Variants in GOLPH3 observed in about 807,000 individuals in gnomAD.
The protein encoded by GOLPH3 is golgi phosphoprotein 3.
Under a neutral mutation model 28.5 loss-of-function variants are expected in GOLPH3, and 14 were observed. The observed-to-expected ratio is 0.49, with a 90% CI of 0.32 to 0.77. GOLPH3 has a LOEUF of 0.77. Among genes scored for constraint, GOLPH3 ranks in the 30% least tolerant of loss-of-function variants. The pLI is 0.03. For missense variants in GOLPH3, 350 were observed against 393.7 expected (o/e 0.89, Z 0.94); for synonymous variants, 158 against 159.2 (o/e 0.99, Z 0.06).
chr5:32,138,889 G>T (rs1297034988), intron 2 of GOLPH3, among the ~76,000 whole-genome samples: 4 of 152,192 alleles, frequency 2.6e-5, no homozygotes, highest in Non-Finnish European at 5.9e-5. Context: ...GAGAGCACAA[G>T]AAAATAAAGA....
At chr5:32,136,867 G>C (rs1177583675) in intron 2 of GOLPH3, among the ~76,000 whole-genome samples, 1 of 152,156 alleles carries the variant, frequency 6.6e-6, no homozygotes, top group Non-Finnish European at 1.5e-5. Context: ...TATTATAAAG[G>C]TGGTATTTCA....
At chr5:32,170,787 A>T (rs1403227674) in intron 1 of GOLPH3, among the ~76,000 whole-genome samples, 1 of 152,134 alleles carries the variant, frequency 6.6e-6, no homozygotes, top group East Asian at 1.9e-4. Flanking sequence ...AAAAAATTTT[A>T]AAGATGTGAT....
intron 2 of GOLPH3, among the ~76,000 whole-genome samples, chr5:32,142,556 A>C (rs1746095329): frequency 1.4e-5 from 2 of 141,242 alleles, no homozygotes; most frequent in South Asian, 2.3e-4. Flanking sequence ...CTGGGAAGTG[A>C]GGAGCCACTC....
chr5:32,151,454 G>A (rs1465470868), intron 1 of GOLPH3, among the ~76,000 whole-genome samples: 9 of 152,130 alleles, frequency 5.9e-5, no homozygotes, highest in Admixed American at 1.3e-4. Context: ...AGGCTGCAAT[G>A]AGCTATAATT....
chr5:32,173,418 G>C (rs1324829392), intron 1 of GOLPH3, among the ~76,000 whole-genome samples: 1 of 152,032 alleles, frequency 6.6e-6, no homozygotes, highest in Admixed American at 6.6e-5. Context: ...AACCCAAAGA[G>C]TTCGTGGCGC....
intron 1 of GOLPH3, among the ~76,000 whole-genome samples, chr5:32,149,498 T>C (rs550698759): frequency 1.3e-5 from 2 of 152,344 alleles, no homozygotes; most frequent in Non-Finnish European, 2.9e-5. Context: ...TTATATGGCA[T>C]ATGAATCATA....
Position 32,143,854 on chromosome 5 carries a change from A to T in GOLPH3, c.252T>A (p.Cys84Ter). 6.3e-7 allele frequency: 1 copy of T among 1,580,886 alleles called. No individual in the cohort carries two copies. Among genetic ancestry groups the T allele is most frequent in the Non-Finnish European group, 8.6e-7 (1 of 1,166,490 alleles). ...REGYTSFWND[C>*]ISSGLRGCML... ...TACAGCCACGTAATCCAGATGATAT[A>T]CAGTCATTCCAAAATGATGTGTAAC... Residue 84 changes from cysteine to a stop codon, truncating the protein, a stop_gained, in exon 2 of 4, where the codon TGT becomes TGA. Coordinates refer to ENST00000265070, the MANE Select transcript of GOLPH3 (RefSeq NM_022130.4). LOFTEE classifies it high-confidence loss of function.
chr5:32,140,290 A>AC (rs1459294166), intron 2 of GOLPH3, among the ~76,000 whole-genome samples: 3 of 152,018 alleles, frequency 2.0e-5, no homozygotes, highest in Admixed American at 1.3e-4. Flanking sequence ...GATCACTTGA[A>AC]CCCAAGCGTT....
intron 1 of GOLPH3, among the ~76,000 whole-genome samples, chr5:32,163,471 T>C (rs1431088731): frequency 6.6e-6 from 1 of 152,098 alleles, no homozygotes; most frequent in Non-Finnish European, 1.5e-5. Flanking sequence ...TTGGCCAACA[T>C]GGTGAAACCC....
chr5:32,162,897 T>C (rs1050897489), intron 1 of GOLPH3, among the ~76,000 whole-genome samples: 1 of 152,034 alleles, frequency 6.6e-6, no homozygotes, highest in Non-Finnish European at 1.5e-5. Flanking sequence ...GCTAACACAG[T>C]GAAACCCCGT....
At chr5:32,137,253 C>A (rs1283707556) in intron 2 of GOLPH3, among the ~76,000 whole-genome samples, 1 of 152,010 alleles carries the variant, frequency 6.6e-6, no homozygotes. Context: ...TCCACTGCAC[C>A]TGGCCCTGAA....
intron 1 of GOLPH3, among the ~76,000 whole-genome samples, chr5:32,165,465 C>A (rs1003234023): frequency 2.0e-5 from 3 of 152,058 alleles, no homozygotes; most frequent in African/African-American, 7.2e-5. Context: ...TGCCTGTAAT[C>A]CCAGCTACTC....
chr5:32,155,896 G>T (rs1246276593), intron 1 of GOLPH3, among the ~76,000 whole-genome samples: 1 of 140,784 alleles, frequency 7.1e-6, no homozygotes, highest in African/African-American at 2.6e-5. Context: ...GGCGGAGGTT[G>T]CCGTGAACCA....
chr5:32,143,059 T>C (rs1264799122), intron 2 of GOLPH3, among the ~76,000 whole-genome samples: 2 of 152,172 alleles, frequency 1.3e-5, no homozygotes, highest in African/African-American at 4.8e-5. Context: ...GCCGTGTCTG[T>C]GTAGAAAGAG....
chr5:32,143,437 G>A (rs1409511010), intron 2 of GOLPH3, among the ~76,000 whole-genome samples: 2 of 149,988 alleles, frequency 1.3e-5, no homozygotes, highest in East Asian at 3.9e-4. Context: ...AAACACCCAA[G>A]AATGATCAAT....
intron 1 of GOLPH3, among the ~76,000 whole-genome samples, chr5:32,172,744 T>C (rs571249856): frequency 6.7e-6 from 1 of 149,610 alleles, no homozygotes; most frequent in African/African-American, 2.5e-5. Flanking sequence ...TGGTGGCGCA[T>C]GCCTGCCTCA....
intron 3 of GOLPH3, among the ~76,000 whole-genome samples, chr5:32,134,400 G>A (rs1279908317): frequency 6.6e-6 from 1 of 151,964 alleles, no homozygotes; most frequent in East Asian, 1.9e-4. Flanking sequence ...GTAGAAACAG[G>A]GTTTCACCAG....
chr5:32,146,613 T>A (rs1258169627), intron 1 of GOLPH3, among the ~76,000 whole-genome samples: 1 of 152,322 alleles, frequency 6.6e-6, no homozygotes, highest in East Asian at 1.9e-4. Context: ...AGAAGCTTTT[T>A]GTTAAGAAGG....
At chr5:32,165,475 C>G (rs1034751773) in intron 1 of GOLPH3, among the ~76,000 whole-genome samples, 8 of 151,904 alleles carry the variant, frequency 5.3e-5, no homozygotes, top group African/African-American at 1.9e-4. Context: ...CCCAGCTACT[C>G]AGAAGGTTGA....
Sources: allele counts gnomAD v4.1 joint callset (sites outside exome capture counted in the v4.1 genomes callset), GRCh38; gene constraint gnomAD v4.1.1; transcripts MANE v1.5; gene names NCBI Gene and HGNC (gene_info 2026-07-23, HGNC 2026-07-21).